Variants in ATP6V1E1 observed in about 807,000 individuals in gnomAD.
ATP6V1E1 encodes the protein ATPase H+ transporting V1 subunit E1.
A neutral mutation model predicts 35.2 loss-of-function variants in ATP6V1E1; 21 were observed. That is an observed-to-expected ratio of 0.60 (90% CI 0.42 to 0.86). ATP6V1E1 has a LOEUF of 0.86. Ranked by LOEUF, ATP6V1E1 falls within the 40% of genes least tolerant of loss-of-function variation. The pLI is 0.00. For synonymous variants in ATP6V1E1, 83 were observed against 87.8 expected, an observed-to-expected ratio of 0.95 and a Z score of 0.30; for missense variants, 183 against 272.6, an observed-to-expected ratio of 0.67 and a Z score of 2.32.
chr22:17,617,357 G>A (rs190062398), intron 2 of ATP6V1E1, among the ~76,000 whole-genome samples: 4 of 152,152 alleles, frequency 2.6e-5, no homozygotes, highest in African/African-American at 9.6e-5. Context: ...GCAGTGGTGC[G>A]ATCTCAGCTC....
chr22:17,592,819 T>C (rs1038930744), intron 8 of ATP6V1E1, 83 bp from the exon 9 acceptor site: 6 of 1,148,324 alleles, frequency 5.2e-6, no homozygotes, highest in African/African-American at 3.2e-5. Flanking sequence ...TTTTTTTTTT[T>C]TGAGACGGAG....
intron 2 of ATP6V1E1, among the ~76,000 whole-genome samples, chr22:17,616,708 T>G (rs2057847312): frequency 6.7e-6 from 1 of 148,942 alleles, no homozygotes; most frequent in African/African-American, 2.5e-5. Flanking sequence ...GAAATGCATT[T>G]CCTGAAATAA....
chr22:17,596,112 A>G (rs2146294864), intron 7 of ATP6V1E1, among the ~76,000 whole-genome samples: 1 of 151,176 alleles, frequency 6.6e-6, no homozygotes, highest in Admixed American at 6.6e-5. Flanking sequence ...AGCCTGGGTG[A>G]GAGTGAGACT....
chr22:17,609,285 C>G (rs1325485573), intron 4 of ATP6V1E1, among the ~76,000 whole-genome samples: 2 of 150,808 alleles, frequency 1.3e-5, no homozygotes, highest in African/African-American at 2.4e-5. Context: ...CTCAGCCTCT[C>G]GAGTAGCTGG....
rs1184791592 is a variant in ATP6V1E1 at position 17,613,328 on chromosome 22, G to A, written c.100-8C>T. ...GTTGAACTCTTCTTCTGCCTAGAGG[G>A]AAATTAGTCAATATTAATTCATTAC... On this transcript the variant is annotated splice_region_variant and splice_polypyrimidine_tract_variant and intron_variant, in intron 2 of 8. Coordinates refer to ENST00000253413, the MANE Select transcript of ATP6V1E1 (RefSeq NM_001696.4). 3 of 1,606,110 alleles carry A rather than the reference G, an allele frequency of 1.9e-6. No individual in the cohort carries two copies. The highest frequency in any genetic ancestry group is 4.5e-5 in the East Asian group (2 of 44,832).
Position 17,600,060 on chromosome 22 carries a change from A to G in ATP6V1E1, c.402T>C (p.Val134=). ...LYQLLEPRMI[V]RCRKQDFPLV... is the part of the protein sequence containing the mutation. ...GAGGGAAATCTTGTTTCCTGCAACG[A>G]ACAATCATTCGGGGCTCCAGCAACT... The change falls in exon 6 of 9, where the codon GTT becomes GTC. Residue 134 remains valine (V), a synonymous_variant. Transcript: ENST00000253413. 6.2e-7 allele frequency: 1 copy of G among 1,614,022 alleles called. No homozygotes were observed. Among genetic ancestry groups the G allele is most frequent in the African/African-American group, 1.3e-5 (1 of 75,022 alleles).
intron 4 of ATP6V1E1, among the ~76,000 whole-genome samples, chr22:17,609,531 C>T (rs553982398): frequency 5.6e-4 from 71 of 127,874 alleles, no homozygotes; most frequent in Admixed American, 1.2e-3. Context: ...TGCAGTGGTG[C>T]GATCTCAGCT....
chr22:17,627,722 G>A (rs1318553285), intron 1 of ATP6V1E1, among the ~76,000 whole-genome samples: 1 of 149,690 alleles, frequency 6.7e-6, no homozygotes, highest in Non-Finnish European at 1.5e-5. Flanking sequence ...TAGGGAGGCT[G>A]AGGCAGGAGA....
chr22:17,625,906 G>T (rs2146320376), intron 1 of ATP6V1E1, among the ~76,000 whole-genome samples: 1 of 150,970 alleles, frequency 6.6e-6, no homozygotes, highest in Middle Eastern at 3.4e-3. Flanking sequence ...ATTACACTTT[G>T]AAAACTGATG....
Position 17,601,185 on chromosome 22 carries a change from C to G in ATP6V1E1, c.277-4G>C. Reference sequence around the variant, plus strand: ...GTTTTGCTTCATTTAGTAGGTCCTACAAAGATTAGAAAAGATAAAAGTTAT... The same window carrying G: ...GTTTTGCTTCATTTAGTAGGTCCTAGAAAGATTAGAAAAGATAAAAGTTAT... On this transcript the variant is annotated splice_region_variant and splice_polypyrimidine_tract_variant and intron_variant, in intron 4 of 8. Transcript: ENST00000253413. 6.2e-7 allele frequency: 1 copy of G among 1,611,790 alleles called. No homozygotes were observed. Among genetic ancestry groups the G allele is most frequent in the Non-Finnish European group, 8.5e-7 (1 of 1,178,532 alleles).
intron 2 of ATP6V1E1, 61 bp from the exon 3 acceptor site, chr22:17,613,381 A>C (rs1205800154): frequency 2.1e-6 from 3 of 1,408,752 alleles, no homozygotes; most frequent in South Asian, 1.2e-5. Context: ...AGTTTTAAAC[A>C]GCTGGTGACC....
chr22:17,616,007 G>A lies in ATP6V1E1; in HGVS notation c.100-2687C>T, dbSNP rs529865046. 3.5e-3 allele frequency among the ~76,000 whole-genome samples: 523 copies of A among 151,368 alleles called. 4 individuals are homozygous for A. The highest frequency in any genetic ancestry group is 0.011 in the African/African-American group (464 of 41,094). ...AGATCGTGCCATTGCACTCCAGCCC[G>A]GGCGACAGTGCAAGACTCCATCTCA... On this transcript the variant is annotated intron_variant, in intron 2 of 8. Coordinates refer to ENST00000253413, the MANE Select transcript of ATP6V1E1 (RefSeq NM_001696.4).
At chr22:17,612,999 C>T (rs533433788) in intron 3 of ATP6V1E1, 121 bp from the exon 4 acceptor site, 11 of 995,136 alleles carry the variant, frequency 1.1e-5, no homozygotes, top group African/African-American at 5.0e-5. Flanking sequence ...GGATTACAAG[C>T]GTGAGCCACC....
intron 7 of ATP6V1E1, among the ~76,000 whole-genome samples, chr22:17,595,889 G>A (rs1408109118): frequency 6.6e-6 from 1 of 152,052 alleles, no homozygotes; most frequent in African/African-American, 2.4e-5. Flanking sequence ...CCAGCTCTTT[G>A]AGAGGCCGAG....
At position 17,592,636 on chromosome 22, in the gene ATP6V1E1, A is replaced by G; in HGVS notation, c.*38T>C. On this transcript the variant is annotated 3_prime_UTR_variant, in exon 9 of 9. Coordinates refer to ENST00000253413, the MANE Select transcript of ATP6V1E1 (RefSeq NM_001696.4). ...CAAATATCAGAAGCTTCCACATCACAGCAGGAGAGCTGACGACGAGCTCCA... is the reference window on the plus strand; with the variant it reads ...CAAATATCAGAAGCTTCCACATCACGGCAGGAGAGCTGACGACGAGCTCCA... 6.3e-7 allele frequency: 1 copy of G among 1,593,058 alleles called. No individual in the cohort carries two copies. Among genetic ancestry groups the G allele is most frequent in the Non-Finnish European group, 8.6e-7 (1 of 1,160,928 alleles).
At chr22:17,621,668 T>C (rs1450406249) in intron 1 of ATP6V1E1, among the ~76,000 whole-genome samples, 2 of 152,214 alleles carry the variant, frequency 1.3e-5, no homozygotes, top group Non-Finnish European at 2.9e-5. Flanking sequence ...TCTTAGTTCC[T>C]ACCATACTAA....
At chr22:17,599,732 C>T (rs1309579362) in intron 6 of ATP6V1E1, among the ~76,000 whole-genome samples, 1 of 151,566 alleles carries the variant, frequency 6.6e-6, no homozygotes, top group Non-Finnish European at 1.5e-5. Context: ...CCAGCCTGGC[C>T]AACATGGTGA....
intron 1 of ATP6V1E1, among the ~76,000 whole-genome samples, chr22:17,626,142 T>A (rs2057903284): frequency 6.6e-6 from 1 of 151,062 alleles, no homozygotes; most frequent in Non-Finnish European, 1.5e-5. Flanking sequence ...CCATCTCTAA[T>A]AAAAAATAGA....
intron 4 of ATP6V1E1, among the ~76,000 whole-genome samples, chr22:17,605,420 C>T (rs1205837442): frequency 6.6e-6 from 1 of 151,796 alleles, no homozygotes; most frequent in Non-Finnish European, 1.5e-5. Context: ...ATCCCAGCTA[C>T]TCGGGAGGCT....
Sources: gnomAD v4.1 joint callset for allele counts (sites outside exome capture counted in the v4.1 genomes callset) on GRCh38, gnomAD v4.1.1 for gene constraint, MANE v1.5 for transcripts, NCBI Gene and HGNC (gene_info 2026-07-23, HGNC 2026-07-21) for gene names.